Variants in DGKQ observed in about 807,000 individuals in gnomAD.
DGKQ encodes the protein diacylglycerol kinase theta.
Under a neutral mutation model 104.2 loss-of-function variants are expected in DGKQ, and 97 were observed. The ratio of observed to expected loss-of-function variants is 0.93; its 90% CI spans 0.79 to 1.10. DGKQ has a LOEUF of 1.10. DGKQ is among the 50% of genes least tolerant of loss of function. DGKQ has a pLI of 0.00. For synonymous variants in DGKQ, 736 were observed against 595.2 expected, an observed-to-expected ratio of 1.24 and a Z score of -3.44; for missense variants, 1,465 against 1,352.1, an observed-to-expected ratio of 1.08 and a Z score of -1.31.
In DGKQ at chr4:961,596, G is replaced by A. The variant is rs368535140; in HGVS notation, c.2463-18C>T. 2.6e-4 allele frequency: 412 copies of A among 1,609,546 alleles called. 2 individuals carry two copies. Among genetic ancestry groups the A allele is most frequent in the Admixed American group, 1.5e-3 (90 of 59,694 alleles). ...AGCCCCAGCTGCCGCATAAGAGAGCGGGCACAGAGGTGTAGGTGCAGGCAG... is the reference window on the plus strand; with the variant it reads ...AGCCCCAGCTGCCGCATAAGAGAGCAGGCACAGAGGTGTAGGTGCAGGCAG... On this transcript the variant is annotated intron_variant, in intron 20 of 22. Transcript: ENST00000273814.
At chr4:968,620 G>A in intron 3 of DGKQ, 56 bp from the exon 4 acceptor site, 1 of 1,511,582 alleles carries the variant, frequency 6.6e-7, no homozygotes, top group East Asian at 2.4e-5. Flanking sequence ...CCCTGCCTCT[G>A]CCGGTGCTTG....
Position 961,453 on chromosome 4 carries a change from G to A in DGKQ, c.2574+14C>T, listed in dbSNP as rs1285998465. 18 of 1,578,394 alleles carry A rather than the reference G, an allele frequency of 1.1e-5. No individual in the cohort carries two copies. The highest frequency in any genetic ancestry group is 7.1e-5 in the Admixed American group (4 of 56,250). ...CCACCCTGGGCTCGCCCGCCCACTC[G>A]GCCGGCGGCTCACCATGTGCACGAC... On this transcript the variant is annotated intron_variant, in intron 21 of 22. Transcript: ENST00000273814.
In DGKQ at chr4:968,294, C is replaced by T. The variant is rs1260391835; in HGVS notation, c.651G>A (p.Trp217Ter). ...TCCCAGCGCCCACCTGGACCCCGCACCACTCGCAGCGCACGCCGGCCAGCA... is the reference window on the plus strand; with the variant it reads ...TCCCAGCGCCCACCTGGACCCCGCATCACTCGCAGCGCACGCCGGCCAGCA... ...SDVLAGVRCEWCGVQAHSLCS... is the reference protein window; with the variant it reads ...SDVLAGVRCE Residue 217 changes from tryptophan (W) to a stop codon, truncating the protein, a stop_gained, in exon 5 of 23, where the codon TGG (tryptophan) becomes TGA (stop). Coordinates refer to ENST00000273814, the MANE Select transcript of DGKQ (RefSeq NM_001347.4). LOFTEE classifies it high-confidence loss of function. 8.5e-6 allele frequency: 13 copies of T among 1,524,092 alleles called. No individual in the cohort carries two copies. Among genetic ancestry groups the T allele is most frequent in the Non-Finnish European group, 1.1e-5 (13 of 1,142,140 alleles). The allele number at this position is 1,524,092 out of a possible 1,614,324, so 94.4% of individuals were successfully genotyped here.
Position 967,666 on chromosome 4 carries a change from C to G in DGKQ, c.887-17G>C. 6.2e-7 allele frequency: 1 copy of G among 1,612,514 alleles called. No individual in the cohort carries two copies. The highest frequency in any genetic ancestry group is 1.1e-5 in the South Asian group (1 of 91,058). Reference sequence around the variant, plus strand: ...TTTGCTTCCCTGGGCCGGGTAAGCTCCGTGAGTCCCGGGCGCCCGGGGGAC... The same window carrying G: ...TTTGCTTCCCTGGGCCGGGTAAGCTGCGTGAGTCCCGGGCGCCCGGGGGAC... On this transcript the variant is annotated splice_polypyrimidine_tract_variant and intron_variant, in intron 7 of 22. Coordinates refer to ENST00000273814, the MANE Select transcript of DGKQ (RefSeq NM_001347.4).
At chr4:967,488 C>T in intron 8 of DGKQ, 61 bp downstream of exon 8, 1 of 1,555,358 alleles carries the variant, frequency 6.4e-7, no homozygotes, top group Middle Eastern at 1.9e-4. Context: ...GTCAGGTGCG[C>T]CAGGTGCGGG....
intron 20 of DGKQ, 32 bp from the exon 21 acceptor site, chr4:961,610 A>T: frequency 1.2e-6 from 2 of 1,609,968 alleles, no homozygotes; most frequent in Non-Finnish European, 1.7e-6. Flanking sequence ...ACAGAGGTGT[A>T]GGTGCAGGCA....
rs76581432 is a variant in DGKQ at position 968,312 on chromosome 4, G to A, written c.633C>T (p.Ala211=). 4,545 of 1,122,878 alleles carry A rather than the reference G, an allele frequency of 4.0e-3. 135 individuals carry two copies. The African/African-American group carries it at 0.11, about 27-fold the overall frequency. 69.6% of individuals were successfully genotyped at this position (1,122,878 alleles called of 1,614,324 possible). Residue 211 remains alanine, a synonymous_variant, in exon 5 of 23, where the codon GCC becomes GCT. Transcript: ENST00000273814. ...RKTCGSSDVL[A]GVRCEWCGVQ... is the part of the protein sequence containing the mutation. ...CCCCGCACCACTCGCAGCGCACGCC[G>A]GCCAGCACGTCAGAGGAGCCGCACG...
Position 958,907 on chromosome 4 carries a change from T to A in DGKQ, c.*1713A>T. 4.7e-6 allele frequency: 1 copy of A among 210,782 alleles called. No homozygotes were observed. The highest frequency in any genetic ancestry group is 9.4e-6 in the Non-Finnish European group (1 of 106,940). 13.1% of individuals were successfully genotyped at this position (210,782 alleles called of 1,614,324 possible). On this transcript the variant is annotated 3_prime_UTR_variant, in exon 23 of 23. Coordinates refer to ENST00000273814, the MANE Select transcript of DGKQ (RefSeq NM_001347.4). ...GATGGTAGGATAGTGACGCCCAGAC[T>A]GTATTTGTCCTGGATATAAATTACT...
In DGKQ at chr4:967,018, C is replaced by T. The variant is rs13434484; in HGVS notation, c.1257G>A (p.Pro419=). 23 of 1,563,256 alleles carry T rather than the reference C, an allele frequency of 1.5e-5. No homozygotes were observed. The South Asian group carries it at 1.5e-4, about 10-fold the overall frequency. The change falls in exon 10 of 23, where the codon CCG becomes CCA. Residue 419 remains proline (P), a synonymous_variant. Coordinates refer to ENST00000273814, the MANE Select transcript of DGKQ (RefSeq NM_001347.4). ...GVAYVSVRVT[P]KSTARSVVLE... Reference sequence around the variant, plus strand: ...GCACCACAGAGCGGGCCGTGCTCTTCGGGGTCACTCGCACGGACACGTAGG... The same window carrying T: ...GCACCACAGAGCGGGCCGTGCTCTTTGGGGTCACTCGCACGGACACGTAGG...
At chr4:965,906 C>A (rs1373494220) in intron 13 of DGKQ, 22 bp downstream of exon 13, 1 of 1,573,066 alleles carries the variant, frequency 6.4e-7, no homozygotes, top group Non-Finnish European at 8.6e-7. Context: ...CAGCAGCCCA[C>A]GGCCAGCCAC....
chr4:966,296 G>C, intron 12 of DGKQ, 170 bp downstream of exon 12: 1 of 839,562 alleles, frequency 1.2e-6, no homozygotes, highest in East Asian at 2.7e-5. Flanking sequence ...GCAGCTCGAG[G>C]CCTCCCTGCA....
chr4:966,747 C>T lies in DGKQ; in HGVS notation c.1366+1G>A. ...ACGCCCAGCACGGGCTGTCTACTCA[C>T]CGTGCCTGCAGCCCATCGCCACCTC... On this transcript the variant is annotated splice_donor_variant, in intron 11 of 22. Coordinates refer to ENST00000273814, the MANE Select transcript of DGKQ (RefSeq NM_001347.4). LOFTEE classifies it high-confidence loss of function. 3.1e-6 allele frequency: 5 copies of T among 1,607,042 alleles called. No homozygotes were observed. Among genetic ancestry groups the T allele is most frequent in the African/African-American group, 1.3e-5 (1 of 74,922 alleles).
intron 8 of DGKQ, 41 bp downstream of exon 8, chr4:967,508 T>C (rs370956348): frequency 6.3e-7 from 1 of 1,588,558 alleles, no homozygotes; most frequent in South Asian, 1.1e-5. Flanking sequence ...GGACATGCGG[T>C]CCTGGGAGGG....
chr4:966,547 G>A lies in DGKQ; in HGVS notation c.1367-20C>T, dbSNP rs772630810. 9 of 1,607,930 alleles carry A rather than the reference G, an allele frequency of 5.6e-6. No homozygotes were observed. The East Asian group carries it at 1.8e-4, about 32-fold the overall frequency. On this transcript the variant is annotated intron_variant, in intron 11 of 22. Transcript: ENST00000273814. ...GCTGGACTGCAGAGGTGAGGGCACA[G>A]GCCGTCAGCACCCGGCTCCTCGCCC... is the stretch of plus-strand genomic sequence containing the variant.
At chr4:965,781 C>G (rs1712267308) in intron 13 of DGKQ, 147 bp downstream of exon 13, 1 of 991,892 alleles carries the variant, frequency 1.0e-6, no homozygotes, top group Non-Finnish European at 1.5e-6. Flanking sequence ...TCCAGAGCCT[C>G]TTGGAGGAAG....
chr4:971,223 C>G lies in DGKQ; in HGVS notation c.272-151G>C. Reference sequence around the variant, plus strand: ...TCGAGTTCCCCCACCACCCTGCCCACTCATTGGAGAGAGCCTGCAGCCCAG... The same window carrying G: ...TCGAGTTCCCCCACCACCCTGCCCAGTCATTGGAGAGAGCCTGCAGCCCAG... On this transcript the variant is annotated intron_variant, in intron 1 of 22. Coordinates refer to ENST00000273814, the MANE Select transcript of DGKQ (RefSeq NM_001347.4). This position sits in a 1 kb window ranked among gnomAD's most constrained non-coding sequence, Gnocchi z 4.0. 1.6e-6 allele frequency: 1 copy of G among 611,748 alleles called. No homozygotes were observed. Among genetic ancestry groups the G allele is most frequent in the South Asian group, 1.9e-5 (1 of 51,982 alleles). 37.9% of individuals were successfully genotyped at this position (611,748 alleles called of 1,614,324 possible).
rs753184718 is a variant in DGKQ, at chr4:965,196, G to C, written c.1714C>G (p.Leu572Val). The C allele has an allele frequency of 4.3e-6, 7 of 1,612,582 alleles. No homozygotes were observed. Among genetic ancestry groups the C allele is most frequent in the Non-Finnish European group, 5.9e-6 (7 of 1,179,864 alleles). Residue 572 changes from leucine (L) to valine (V), a missense_variant, in exon 15 of 23, where the codon CTG becomes GTG. By Grantham distance (32) the Leu-to-Val change is conservative (BLOSUM62 1). Coordinates refer to ENST00000273814, the MANE Select transcript of DGKQ (RefSeq NM_001347.4). ...MAVRGRLLTALVLPDLLHAKL... is the reference protein window; with the variant it reads ...MAVRGRLLTAVVLPDLLHAKL... ...CTCACCAGCAGGTCGGGGAGCACCA[G>C]GGCAGTGAGCAGCCGGCCCCGCACA...
At chr4:966,425 G>T in intron 12 of DGKQ, 41 bp downstream of exon 12, 1 of 1,603,558 alleles carries the variant, frequency 6.2e-7, no homozygotes, top group Non-Finnish European at 8.5e-7. Context: ...TGTGGCTGAG[G>T]GCTGCTGGTT....
Position 962,819 on chromosome 4 carries a change from C to G in DGKQ, c.1988G>C (p.Arg663Pro). ...CACAGAAGGCTCCGGGCAGGCCAGT[C>G]GGTACCGTGTCTCCTCCAGGGCGCC... Reference protein sequence around the residue: ...VLGALEETRYRLACPEPSVAI... With the variant: ...VLGALEETRYPLACPEPSVAI... Residue 663 changes from arginine (R) to proline (P), a missense_variant, in exon 17 of 23, where the codon CGA becomes CCA. By Grantham distance (103) the Arg-to-Pro change is moderately radical. Coordinates refer to ENST00000273814, the MANE Select transcript of DGKQ (RefSeq NM_001347.4). 6.2e-7 allele frequency: 1 copy of G among 1,606,130 alleles called. No individual in the cohort carries two copies. Among genetic ancestry groups the G allele is most frequent in the East Asian group, 2.2e-5 (1 of 44,556 alleles).
Sources: gnomAD v4.1 joint callset for allele counts on GRCh38, gnomAD v4.1.1 for gene constraint, Gnocchi (gnomAD v3.1) non-coding constraint, MANE v1.5 for transcripts, NCBI Gene and HGNC (gene_info 2026-07-23, HGNC 2026-07-21) for gene names.